Variants in NTM observed in about 807,000 individuals in gnomAD.
NTM encodes the protein neurotrimin, also known as IgLON family member 2.
Under a neutral mutation model 42.1 loss-of-function variants are expected in NTM, and 13 were observed. The ratio of observed to expected loss-of-function variants is 0.31; its 90% confidence interval spans 0.20 to 0.49. The LOEUF is 0.49. Ranked by LOEUF, NTM falls within the 20% of genes least tolerant of loss-of-function variation. NTM has a pLI of 0.99. For missense variants in NTM, 373 were observed against 452.8 expected (o/e 0.82, Z 1.60); for synonymous variants, 187 against 179.2 (o/e 1.04, Z -0.35).
chr11:132,124,106 C>T (rs2065275331), intron 2 of NTM, among the ~76,000 whole-genome samples: 1 of 152,136 alleles, frequency 6.6e-6, no homozygotes, highest in African/African-American at 2.4e-5. Flanking sequence ...GAGTAAAGTG[C>T]TTTGCATAGT....
At chr11:131,832,060 A>G (rs1055543974) in intron 1 of NTM, among the ~76,000 whole-genome samples, 3 of 151,100 alleles carry the variant, frequency 2.0e-5, no homozygotes, top group African/African-American at 7.3e-5. Context: ...TTCTGCATAC[A>G]GGTGGATGAA....
chr11:132,006,998 C>T (rs142179912), intron 2 of NTM, among the ~76,000 whole-genome samples: 1 of 152,196 alleles, frequency 6.6e-6, no homozygotes, highest in East Asian at 1.9e-4. Flanking sequence ...CAGTGCGAGA[C>T]CCTCCTGGGC....
chr11:131,397,496 C>T (rs1439290289), intron 1 of NTM, among the ~76,000 whole-genome samples: 1 of 152,104 alleles, frequency 6.6e-6, no homozygotes, highest in Non-Finnish European at 1.5e-5. Flanking sequence ...TGAATTGAAG[C>T]CCAGCTTCTA....
chr11:131,458,575 G>A (rs6590576), intron 1 of NTM, among the ~76,000 whole-genome samples: 107,396 of 152,170 alleles, frequency 0.71, 39,430 homozygotes, highest in African/African-American at 0.9. Flanking sequence ...TTTTCATGAC[G>A]TGTGTTACTG....
chr11:131,451,918 G>A (rs1950518020), intron 1 of NTM, among the ~76,000 whole-genome samples: 1 of 152,156 alleles, frequency 6.6e-6, no homozygotes, highest in South Asian at 2.1e-4. Context: ...AGTGGAGGGA[G>A]GGGCATGAGG....
chr11:132,127,207 A>G (rs1235426095), intron 2 of NTM, among the ~76,000 whole-genome samples: 4 of 152,224 alleles, frequency 2.6e-5, no homozygotes, highest in Non-Finnish European at 4.4e-5. Context: ...CCAGAAAAAC[A>G]TACCTTGGCA....
chr11:131,821,851 C>A (rs1189754624), intron 1 of NTM, among the ~76,000 whole-genome samples: 1 of 152,156 alleles, frequency 6.6e-6, no homozygotes. Context: ...AAGCTGATTT[C>A]ACAGAACTTT....
At chr11:132,060,037 C>G (rs1218945285) in intron 2 of NTM, among the ~76,000 whole-genome samples, 6 of 152,148 alleles carry the variant, frequency 3.9e-5, no homozygotes. Context: ...TCTAGACAAG[C>G]TCATATCTCA....
intron 1 of NTM, among the ~76,000 whole-genome samples, chr11:131,598,689 TTCTTTCTTTC>T (rs1251840917): frequency 1.7e-4 from 7 of 41,296 alleles, no homozygotes; most frequent in African/African-American, 5.1e-4. Flanking sequence ...TTTGTTTTCT[TTCTTTCTTTC>T]TTTCTTTCTT....
intron 2 of NTM, among the ~76,000 whole-genome samples, chr11:132,019,671 A>G (rs921179312): frequency 4.0e-5 from 6 of 151,878 alleles, no homozygotes; most frequent in South Asian, 2.1e-4. Flanking sequence ...TACTGTTTGC[A>G]TGGTATATAT....
rs187669242 is a variant in NTM at position 131,788,977 on chromosome 11, G to C, written c.83-122587G>C. Reference sequence around the variant, plus strand: ...CGGTCTCTGTTCTGGCTCATTACCCGTTTGCTGAGCTGTTCTTGAGTGTTT... The same window carrying C: ...CGGTCTCTGTTCTGGCTCATTACCCCTTTGCTGAGCTGTTCTTGAGTGTTT... On this transcript the variant is annotated intron_variant, in intron 1 of 8. Coordinates refer to ENST00000683400, the MANE Select transcript of NTM (RefSeq NM_001352005.2). 9.8e-4 allele frequency among the ~76,000 whole-genome samples: 149 copies of C among 152,190 alleles called. 2 individuals carry two copies. The highest frequency in any genetic ancestry group is 3.3e-3 in the African/African-American group (137 of 41,518).
chr11:132,099,006 C>T (rs927451128), intron 2 of NTM, among the ~76,000 whole-genome samples: 1 of 152,298 alleles, frequency 6.6e-6, no homozygotes, highest in South Asian at 2.1e-4. Context: ...GGAGCAAATC[C>T]CCAGAAGCTG....
At chr11:131,796,034 G>C in intron 1 of NTM, 18 of 985,440 alleles carry the variant, frequency 1.8e-5, no homozygotes, top group Non-Finnish European at 2.2e-5. Context: ...CAGCCAGCAT[G>C]TGCATCGAGG....
chr11:132,207,998 T>C (rs145310256), intron 3 of NTM, among the ~76,000 whole-genome samples: 1 of 152,328 alleles, frequency 6.6e-6, no homozygotes, highest in African/African-American at 2.4e-5. Flanking sequence ...TTTATGTCTC[T>C]AATGCTTGGC....
intron 1 of NTM, among the ~76,000 whole-genome samples, chr11:131,566,534 G>A (rs2056907726): frequency 6.6e-6 from 1 of 152,094 alleles, no homozygotes; most frequent in African/African-American, 2.4e-5. Context: ...TCCACGCAGT[G>A]TGAGTCTCGA....
At chr11:132,067,212 G>A (rs1334536614) in intron 2 of NTM, among the ~76,000 whole-genome samples, 2 of 152,202 alleles carry the variant, frequency 1.3e-5, no homozygotes, top group African/African-American at 2.4e-5. Context: ...TGTTCCCAAA[G>A]TGCTGGGATG....
At chr11:131,828,429 C>T (rs998584899) in intron 1 of NTM, among the ~76,000 whole-genome samples, 3 of 151,972 alleles carry the variant, frequency 2.0e-5, no homozygotes, top group African/African-American at 7.2e-5. Context: ...ACCATCATCA[C>T]CACCACCACA....
At chr11:131,389,052 A>AAAGAAAAGAAAAAAG (rs1943695295) in intron 1 of NTM, among the ~76,000 whole-genome samples, 4 of 146,558 alleles carry the variant, frequency 2.7e-5, no homozygotes, top group African/African-American at 1.0e-4. Flanking sequence ...AAGAAAAGGA[A>AAAGAAAAGAAAAAAG]AAAGAAAGAT....
At chr11:132,047,289 A>G (rs2078155576) in intron 2 of NTM, among the ~76,000 whole-genome samples, 1 of 152,232 alleles carries the variant, frequency 6.6e-6, no homozygotes, top group Non-Finnish European at 1.5e-5. Flanking sequence ...CAAATTTCAC[A>G]CAAAGTCTCC....
Sources: gnomAD v4.1 joint callset for allele counts (sites outside exome capture counted in the v4.1 genomes callset) on GRCh38, gnomAD v4.1.1 for gene constraint, MANE v1.5 for transcripts, NCBI Gene and HGNC (gene_info 2026-07-23, HGNC 2026-07-21) for gene names.